The following COL21A1 variants were observed in gnomAD, a reference collection of about 807,000 sequenced individuals.
COL21A1 encodes the protein collagen type XXI alpha 1 chain.
Under a neutral mutation model 137.9 loss-of-function variants are expected in COL21A1, and 149 were observed. The ratio of observed to expected loss-of-function variants is 1.08; its 90% CI spans 0.95 to 1.24. COL21A1 has a LOEUF of 1.24. Among genes scored for constraint, COL21A1 ranks in the 50% most tolerant of loss-of-function variants. COL21A1 has a pLI of 0.00. For missense variants in COL21A1, 1,167 were observed against 1,158.4 expected (o/e 1.01, Z -0.11); for synonymous variants, 456 against 391.5 (o/e 1.16, Z -1.95).
chr6:56,148,133 T>A (rs559725879), intron 10 of COL21A1, among the ~76,000 whole-genome samples: 9 of 152,252 alleles, frequency 5.9e-5, no homozygotes, highest in Non-Finnish European at 1.3e-4. Context: ...GTCATATATC[T>A]ACTAACTATG....
chr6:56,057,841 G>A lies in COL21A1; in HGVS notation c.2690C>T (p.Pro897Leu). The change falls in exon 30 of 30, where the codon CCA becomes CTA. Residue 897 changes from proline to leucine, a missense_variant. By Grantham distance (98) the Pro-to-Leu change is moderately conservative. Transcript: ENST00000244728. ...GEQGPPGPPGPEGPPGISKEG... is the reference protein window; with the variant it reads ...GEQGPPGPPGLEGPPGISKEG... ...TTTGCTTATTCCAGGAGGGCCCTCTGGACCTAAGATGGGACATTGGCAAGA... is the reference window on the plus strand; with the variant it reads ...TTTGCTTATTCCAGGAGGGCCCTCTAGACCTAAGATGGGACATTGGCAAGA... 6.5e-7 allele frequency: 1 copy of A among 1,541,874 alleles called. No homozygotes were observed. The highest frequency in any genetic ancestry group is 8.7e-7 in the Non-Finnish European group (1 of 1,150,682).
chr6:56,062,515 GT>G (rs1765888198), intron 24 of COL21A1, among the ~76,000 whole-genome samples: 1 of 151,964 alleles, frequency 6.6e-6, no homozygotes, highest in African/African-American at 2.4e-5. Flanking sequence ...TAACAGGTAG[GT>G]TTTCATTATT....
chr6:56,375,394 G>T (rs182984757), intron 1 of COL21A1, among the ~76,000 whole-genome samples: 2 of 152,156 alleles, frequency 1.3e-5, no homozygotes, highest in Non-Finnish European at 2.9e-5. Flanking sequence ...GTAGGCACCC[G>T]TGGAAGAAGG....
intron 1 of COL21A1, among the ~76,000 whole-genome samples, chr6:56,342,780 A>G (rs1765500449): frequency 6.6e-6 from 1 of 152,214 alleles, no homozygotes; most frequent in South Asian, 2.1e-4. Flanking sequence ...CAAATTAAAG[A>G]GACTGAGAGA....
intron 16 of COL21A1, among the ~76,000 whole-genome samples, chr6:56,123,241 G>C (rs1772705667): frequency 6.6e-6 from 1 of 152,120 alleles, no homozygotes; most frequent in Non-Finnish European, 1.5e-5. Context: ...TTAACAAGAA[G>C]GAACCAATGA....
At chr6:56,173,898 T>G (rs1777250329) in intron 3 of COL21A1, among the ~76,000 whole-genome samples, 1 of 152,200 alleles carries the variant, frequency 6.6e-6, no homozygotes, top group Non-Finnish European at 1.5e-5. Flanking sequence ...ACACATTCCC[T>G]TCAATTGCAC....
chr6:56,128,889 A>G (rs1249458844), intron 12 of COL21A1, among the ~76,000 whole-genome samples: 2 of 152,158 alleles, frequency 1.3e-5, no homozygotes, highest in Non-Finnish European at 2.9e-5. Context: ...TCCTGACCTC[A>G]GGTGATCTAC....
intron 17 of COL21A1, among the ~76,000 whole-genome samples, chr6:56,085,092 T>C (rs1026538018): frequency 6.6e-6 from 1 of 152,020 alleles, no homozygotes; most frequent in African/African-American, 2.4e-5. Context: ...CCAGGCACCA[T>C]TTCCCCCATT....
chr6:56,166,970 T>C lies in COL21A1; in HGVS notation c.1214A>G (p.Lys405Arg). The stretch of plus-strand genomic sequence containing the variant: ...TTCTGGGTCACAGTAGATTCGCAAC[T>C]TTTGGACATCAAACTAAGAACATAA... ...KEETVQFDVQKLRIYCDPEQN... is the reference protein window; with the variant it reads ...KEETVQFDVQRLRIYCDPEQN... Residue 405 changes from lysine (K) to arginine (R), a missense_variant, in exon 7 of 30, where the codon AAG becomes AGG. Lys to Arg is a conservative substitution (Grantham distance 26, BLOSUM62 2). Coordinates refer to ENST00000244728, the MANE Select transcript of COL21A1 (RefSeq NM_030820.4). 1 of 1,611,456 alleles carries C rather than the reference T, an allele frequency of 6.2e-7. No individual in the cohort carries two copies. The highest frequency in any genetic ancestry group is 1.1e-5 in the South Asian group (1 of 90,416).
intron 16 of COL21A1, among the ~76,000 whole-genome samples, chr6:56,106,612 T>C (rs1770916567): frequency 6.6e-6 from 1 of 152,142 alleles, no homozygotes; most frequent in South Asian, 2.1e-4. Flanking sequence ...ACCCTGTTTA[T>C]TATTACAGGT....
intron 16 of COL21A1, among the ~76,000 whole-genome samples, chr6:56,110,377 A>G (rs1561873819): frequency 1.3e-5 from 2 of 152,018 alleles, no homozygotes; most frequent in South Asian, 4.1e-4. Flanking sequence ...TGTAAAACCA[A>G]CAACTAACAT....
chr6:56,280,277 TG>T (rs1369604160), intron 1 of COL21A1, among the ~76,000 whole-genome samples: 1 of 152,202 alleles, frequency 6.6e-6, no homozygotes, highest in Non-Finnish European at 1.5e-5. Flanking sequence ...GACTAAGTCC[TG>T]AACTATCAAG....
chr6:56,240,028 T>A (rs1782181861), intron 1 of COL21A1, among the ~76,000 whole-genome samples: 1 of 152,138 alleles, frequency 6.6e-6, no homozygotes, highest in African/African-American at 2.4e-5. Context: ...AGGAATCTGA[T>A]GGTATTGTAA....
Position 56,069,031 on chromosome 6 carries a change from C to T in COL21A1, c.2091+15G>A. The stretch of plus-strand genomic sequence containing the variant: ...ACTGGTTAAAAGCGAACTGTATCTC[C>T]TAACCAATGCATACCTTTTTTCCTT... On this transcript the variant is annotated intron_variant, in intron 22 of 29. Transcript: ENST00000244728. 6.3e-7 allele frequency: 1 copy of T among 1,582,674 alleles called. No homozygotes were observed. Among genetic ancestry groups the T allele is most frequent in the East Asian group, 2.3e-5 (1 of 43,912 alleles).
chr6:56,294,556 AACTGATGCACT>A (rs1764121603), intron 1 of COL21A1, among the ~76,000 whole-genome samples: 1 of 152,034 alleles, frequency 6.6e-6, no homozygotes, highest in African/African-American at 2.4e-5. Context: ...TATTTGTTAC[AACTGATGCACT>A]ACTGATACGG....
At position 56,057,671 on chromosome 6, in the gene COL21A1, C is replaced by T. The variant is rs2114012112; in HGVS notation, c.2860G>A (p.Gly954Arg). 6.2e-7 allele frequency: 1 copy of T among 1,613,026 alleles called. No individual in the cohort carries two copies. The highest frequency in any genetic ancestry group is 1.1e-5 in the South Asian group (1 of 91,016). ...VIARRDPFRK[G>R]PNY ...GGCATCAGACACTAATAGTTTGGTC[C>T]TTTTCTGAACGGATCTCTTCTGGCA... Residue 954 changes from glycine (G) to arginine (R), a missense_variant, in exon 30 of 30, where the codon GGA (glycine) becomes AGA (arginine). Gly to Arg is a moderately radical substitution (Grantham distance 125). Coordinates refer to ENST00000244728, the MANE Select transcript of COL21A1 (RefSeq NM_030820.4).
rs1764709165 is a variant in COL21A1, at chr6:56,315,459, C to T, written c.-39+78512G>A. 2.6e-5 allele frequency among the ~76,000 whole-genome samples: 4 copies of T among 152,172 alleles called. No homozygotes were observed. The South Asian group carries it at 8.3e-4, about 32-fold the overall frequency. On this transcript the variant is annotated intron_variant, in intron 1 of 28. Coordinates refer to the COL21A1 transcript ENST00000370819. ...AGTCATTTAATTGCAGGAAGAAATA[C>T]GTAAAAAGAAGAGAAAGAGTGATGA...
chr6:56,269,729 C>G (rs1374451450), intron 1 of COL21A1, among the ~76,000 whole-genome samples: 2 of 150,804 alleles, frequency 1.3e-5, no homozygotes, highest in Non-Finnish European at 2.9e-5. Flanking sequence ...TAGCAGTGGA[C>G]CTCTCAGCAG....
chr6:56,332,410 A>G (rs1173401668), intron 1 of COL21A1, among the ~76,000 whole-genome samples: 1 of 151,936 alleles, frequency 6.6e-6, no homozygotes, highest in African/African-American at 2.4e-5. Context: ...AGCCAGAAGA[A>G]TATTCAGAAG....
Sources: allele counts gnomAD v4.1 joint callset (sites outside exome capture counted in the v4.1 genomes callset), GRCh38; gene constraint gnomAD v4.1.1; transcripts MANE v1.5; gene names NCBI Gene and HGNC (gene_info 2026-07-23, HGNC 2026-07-21).